FOXO1: variants seen among roughly 807,000 people sequenced by gnomAD.
The protein encoded by FOXO1 is forkhead box O1.
Under a neutral mutation model 44.1 loss-of-function variants are expected in FOXO1, and 6 were observed. The observed-to-expected ratio is 0.14, with a 90% CI of 0.07 to 0.27. The LOEUF is 0.27. Ranked by LOEUF, FOXO1 falls within the 10% of genes least tolerant of loss-of-function variation. The pLI, the probability that FOXO1 is intolerant of heterozygous loss-of-function variation, is 1.00. For missense variants in FOXO1, 737 were observed against 888.8 expected, an observed-to-expected ratio of 0.83 and a Z score of 2.17; for synonymous variants, 380 against 362.7, an observed-to-expected ratio of 1.05 and a Z score of -0.54.
chr13:40,635,905 G>A (rs1403247350), intron 1 of FOXO1, among the ~76,000 whole-genome samples: 1 of 152,196 alleles, frequency 6.6e-6, no homozygotes, highest in Non-Finnish European at 1.5e-5. Flanking sequence ...ACCCACAGTG[G>A]CGCCCATCTG....
intron 1 of FOXO1, among the ~76,000 whole-genome samples, chr13:40,594,041 C>T (rs1332417759): frequency 1.3e-5 from 2 of 152,134 alleles, no homozygotes. Flanking sequence ...GAATGCCATT[C>T]CCTAAAGATG....
At chr13:40,640,758 T>TTTGTTGTTG (rs142761112) in intron 1 of FOXO1, among the ~76,000 whole-genome samples, 554 of 140,524 alleles carry the variant, frequency 3.9e-3, no homozygotes, top group Middle Eastern at 6.9e-3. Flanking sequence ...TGTTATTTCT[T>TTTGTTGTTG]TTGTTGTTGT....
chr13:40,620,552 G>A (rs1447389206), intron 1 of FOXO1: 5 of 439,820 alleles, frequency 1.1e-5, no homozygotes, highest in Admixed American at 3.1e-5. Flanking sequence ...GGTTCTCCAA[G>A]TCAGAGCTTC....
chr13:40,567,418 G>A (rs549345124), intron 1 of FOXO1, among the ~76,000 whole-genome samples: 1 of 151,824 alleles, frequency 6.6e-6, no homozygotes, highest in African/African-American at 2.4e-5. Flanking sequence ...AGGTATTACT[G>A]GCTTCACTTT....
At chr13:40,626,023 G>GCCCA (rs1202226078) in intron 1 of FOXO1, among the ~76,000 whole-genome samples, 1 of 151,954 alleles carries the variant, frequency 6.6e-6, no homozygotes, top group Non-Finnish European at 1.5e-5. Context: ...TTGCTATGTT[G>GCCCA]CCCAGGCTGG....
intron 1 of FOXO1, among the ~76,000 whole-genome samples, chr13:40,574,785 G>A (rs938525719): frequency 6.6e-6 from 1 of 152,154 alleles, no homozygotes; most frequent in South Asian, 2.1e-4. Context: ...ACTGAACAAA[G>A]TGTAAAACAA....
At chr13:40,645,856 C>T (rs927617331) in intron 1 of FOXO1, among the ~76,000 whole-genome samples, 1 of 152,076 alleles carries the variant, frequency 6.6e-6, no homozygotes, top group African/African-American at 2.4e-5. Context: ...GCCAAGGCAG[C>T]TGGAGTTTGA....
At chr13:40,622,612 T>G (rs936930643) in intron 1 of FOXO1, among the ~76,000 whole-genome samples, 1 of 152,216 alleles carries the variant, frequency 6.6e-6, no homozygotes, top group East Asian at 1.9e-4. Context: ...TCACCAAGCC[T>G]CCTGCCTGCT....
chr13:40,665,532 C>G (rs1734931307), intron 1 of FOXO1, 51 bp downstream of exon 1: 1 of 1,333,832 alleles, frequency 7.5e-7, no homozygotes, highest in Non-Finnish European at 9.7e-7. Flanking sequence ...GCTGCGCCCT[C>G]GCCTGACCCA....
At chr13:40,634,312 C>A (rs1854216271) in intron 1 of FOXO1, among the ~76,000 whole-genome samples, 1 of 152,200 alleles carries the variant, frequency 6.6e-6, no homozygotes, top group South Asian at 2.1e-4. Context: ...ATCCACACAA[C>A]TGCATACAAG....
At chr13:40,595,583 G>A (rs1182580437) in intron 1 of FOXO1, among the ~76,000 whole-genome samples, 1 of 152,094 alleles carries the variant, frequency 6.6e-6, no homozygotes, top group Admixed American at 6.5e-5. Flanking sequence ...GGCAGGGGTG[G>A]TAATATTTCA....
At chr13:40,641,608 GT>G (rs1177284469) in intron 1 of FOXO1, among the ~76,000 whole-genome samples, 1 of 151,932 alleles carries the variant, frequency 6.6e-6, no homozygotes, top group Non-Finnish European at 1.5e-5. Context: ...TTAAGTCCTA[GT>G]TTTTTTCTCC....
chr13:40,586,207 A>G (rs1485295030), intron 1 of FOXO1, among the ~76,000 whole-genome samples: 2 of 152,262 alleles, frequency 1.3e-5, no homozygotes, highest in Admixed American at 1.3e-4. Context: ...TAAATGGCTA[A>G]GCACAGTACT....
chr13:40,655,558 C>T (rs906738303), intron 1 of FOXO1, among the ~76,000 whole-genome samples: 1 of 151,590 alleles, frequency 6.6e-6, no homozygotes, highest in African/African-American at 2.4e-5. Flanking sequence ...TCCCCCACCC[C>T]TCATCAGCAA....
intron 1 of FOXO1, among the ~76,000 whole-genome samples, chr13:40,661,496 C>A (rs1215710712): frequency 1.3e-5 from 2 of 152,146 alleles, no homozygotes; most frequent in Non-Finnish European, 2.9e-5. Context: ...GAGGTTTCAC[C>A]ATGTTGCCCA....
At chr13:40,565,351 T>G (rs190422998) in intron 1 of FOXO1, among the ~76,000 whole-genome samples, 1 of 152,092 alleles carries the variant, frequency 6.6e-6, no homozygotes, top group Admixed American at 6.6e-5. Context: ...ACACAACCCA[T>G]AGACTGTCCA....
chr13:40,628,461 C>A (rs1260412750), intron 1 of FOXO1, among the ~76,000 whole-genome samples: 4 of 151,968 alleles, frequency 2.6e-5, no homozygotes, highest in Admixed American at 1.3e-4. Context: ...TGTACAACCC[C>A]CTCATCCCTT....
At chr13:40,652,746 A>C (rs1410338553) in intron 1 of FOXO1, among the ~76,000 whole-genome samples, 2 of 152,246 alleles carry the variant, frequency 1.3e-5, no homozygotes, top group African/African-American at 4.8e-5. Flanking sequence ...TGCCAAAATA[A>C]GAGCTTCTAG....
At chr13:40,604,003 G>A (rs1219715284) in intron 1 of FOXO1, among the ~76,000 whole-genome samples, 1 of 152,140 alleles carries the variant, frequency 6.6e-6, no homozygotes, top group Non-Finnish European at 1.5e-5. Flanking sequence ...GTGGTGTGCT[G>A]GGGAAGCAAA....
Sources: allele counts gnomAD v4.1 joint callset (sites outside exome capture counted in the v4.1 genomes callset), GRCh38; gene constraint gnomAD v4.1.1; transcripts MANE v1.5; gene names NCBI Gene and HGNC (gene_info 2026-07-23, HGNC 2026-07-21).